MED20: variants seen among roughly 807,000 people sequenced by gnomAD.
MED20 encodes mediator complex subunit 20.
In MED20, 19 loss-of-function variants were observed where a neutral mutation model predicts 19.7. The observed-to-expected ratio is 0.96, with a 90% confidence interval of 0.67 to 1.42. The LOEUF (loss-of-function observed/expected upper bound fraction) is 1.42. Ranked by LOEUF, MED20 falls within the 40% of genes most tolerant of loss-of-function variation. The pLI is 0.00. For synonymous variants in MED20, 105 were observed against 104.8 expected, an observed-to-expected ratio of 1.00 and a Z score of -0.01; for missense variants, 225 against 273.0, an observed-to-expected ratio of 0.82 and a Z score of 1.24.
rs745370482 is a variant in MED20 at position 41,916,903 on chromosome 6, AAC to A, written c.49_50del (p.Val17SerfsTer27). ...SQMPVAEGKSVQQTVELLTRK... is the reference protein window; with the variant it reads ...SQMPVAEGKSXQQTVELLTRK... ...GGGTAAGGAGCTCTACGGTTTGCTG[AAC>A]ACTCTTGCCCTCGGCCACAGGCATC... On this transcript the variant is annotated frameshift_variant, in exon 2 of 4. Coordinates refer to ENST00000265350, the MANE Select transcript of MED20 (RefSeq NM_004275.5). LOFTEE classifies it high-confidence loss of function. The A allele has an allele frequency of 2.5e-6, 4 of 1,614,014 alleles. No homozygotes were observed. The highest frequency in any genetic ancestry group is 1.7e-5 in the Admixed American group (1 of 60,006).
In MED20 at chr6:41,907,234, C is replaced by T. The variant is rs1775078413; in HGVS notation, c.477G>A (p.Glu159=). Residue 159 remains glutamate (E), a synonymous_variant, in exon 4 of 4, where the codon GAG becomes GAA. Coordinates refer to ENST00000265350, the MANE Select transcript of MED20 (RefSeq NM_004275.5). Reference sequence around the variant, plus strand: ...GGCTGCCTAGAAAACTCTGTAGGAACTCGAGCAGCAGACTCCAGCAGTCAC... The same window carrying T: ...GGCTGCCTAGAAAACTCTGTAGGAATTCGAGCAGCAGACTCCAGCAGTCAC... ...VASDCWSLLL[E]FLQSFLGSHT... is the part of the protein sequence containing the mutation. 5.6e-6 allele frequency: 9 copies of T among 1,613,878 alleles called. No homozygotes were observed. Among genetic ancestry groups the T allele is most frequent in the Non-Finnish European group, 7.6e-6 (9 of 1,180,016 alleles).
Position 41,921,114 on chromosome 6 carries a change from T to C in MED20, c.-96A>G, listed in dbSNP as rs866472655. 1.4e-5 allele frequency: 21 copies of C among 1,523,844 alleles called. No individual in the cohort carries two copies. In the East Asian group the frequency reaches 4.5e-4, roughly 33 times the overall value. The allele number at this position is 1,523,844 out of a possible 1,614,324, so 94.4% of individuals were successfully genotyped here. A position where few individuals can be genotyped will look rare whatever the true frequency, so the allele number is the denominator to read the frequency against. ...CCTTCAGTTCCCCAACACAACCTTC[T>C]GTCTCAGAAGGGACTCCGGAAATAC... On this transcript the variant is annotated 5_prime_UTR_variant, in exon 1 of 4. Coordinates refer to ENST00000265350, the MANE Select transcript of MED20 (RefSeq NM_004275.5).
intron 3 of MED20, among the ~76,000 whole-genome samples, chr6:41,908,150 C>G (rs1241074711): frequency 6.6e-6 from 1 of 152,198 alleles, no homozygotes. Context: ...GCATCACAAC[C>G]AAAGTCAGCA....
intron 2 of MED20, 22 bp downstream of exon 2, chr6:41,916,763 C>A (rs762795138): frequency 8.1e-6 from 13 of 1,612,086 alleles, no homozygotes; most frequent in Non-Finnish European, 1.1e-5. Context: ...TTCCAGCCAT[C>A]CTACAGACCC....
intron 2 of MED20, chr6:41,913,058 T>A (rs1205387826): frequency 6.7e-6 from 1 of 149,400 alleles, no homozygotes; most frequent in Non-Finnish European, 1.5e-5. Context: ...AATAGTGAGC[T>A]ATGATCATGC....
At chr6:41,919,403 T>C (rs371949089) in intron 1 of MED20, among the ~76,000 whole-genome samples, 1 of 152,240 alleles carries the variant, frequency 6.6e-6, no homozygotes, top group South Asian at 2.1e-4. Context: ...ATAGATGACA[T>C]TGCTTTATGA....
chr6:41,913,458 C>T (rs1283072394), intron 2 of MED20, among the ~76,000 whole-genome samples: 2 of 152,196 alleles, frequency 1.3e-5, no homozygotes, highest in Non-Finnish European at 2.9e-5. Context: ...ATATCTATAT[C>T]CAAATGTTTT....
At position 41,909,501 on chromosome 6, in the gene MED20, T is replaced by C. The variant is rs1036186700; in HGVS notation, c.191A>G (p.Tyr64Cys). The C allele has an allele frequency of 1.2e-6, 2 of 1,614,210 alleles. No homozygotes were observed. The highest frequency in any genetic ancestry group is 1.1e-5 in the South Asian group (1 of 91,088). Reference sequence around the variant, plus strand: ...TGGGTACTCTGAGTTGTGCATCACATACATCAGCTTCCCGGTCTGACCTGC... The same window carrying C: ...TGGGTACTCTGAGTTGTGCATCACACACATCAGCTTCCCGGTCTGACCTGC... ...GSQGQTGKLMYVMHNSEYPLS... is the reference protein window; with the variant it reads ...GSQGQTGKLMCVMHNSEYPLS... Residue 64 changes from tyrosine (Y) to cysteine (C), a missense_variant, in exon 3 of 4, where the codon TAT (tyrosine) becomes TGT (cysteine). Coordinates refer to ENST00000265350, the MANE Select transcript of MED20 (RefSeq NM_004275.5).
intron 2 of MED20, among the ~76,000 whole-genome samples, chr6:41,915,022 A>AT (rs1284040924): frequency 6.6e-6 from 1 of 152,230 alleles, no homozygotes; most frequent in African/African-American, 2.4e-5. Flanking sequence ...GTCAATCAGT[A>AT]AACAGGGCCA....
intron 2 of MED20, 56 bp downstream of exon 2, chr6:41,916,729 A>T (rs1023612369): frequency 1.3e-6 from 2 of 1,591,984 alleles, no homozygotes; most frequent in Non-Finnish European, 1.7e-6. Context: ...AATTAACTCA[A>T]ATGTCTCTTA....
Position 41,916,947 on chromosome 6 carries a change from G to C in MED20, c.15-8C>G. On this transcript the variant is annotated splice_region_variant and splice_polypyrimidine_tract_variant and intron_variant, in intron 1 of 3. Coordinates refer to ENST00000265350, the MANE Select transcript of MED20 (RefSeq NM_004275.5). ...ACAGGCATCTGGGACACACTGGAAA[G>C]GAGAGCACCAAATCGTCAGTTATCC... is the stretch of plus-strand genomic sequence containing the variant. 6.2e-7 allele frequency: 1 copy of C among 1,613,778 alleles called. No individual in the cohort carries two copies. The highest frequency in any genetic ancestry group is 1.1e-5 in the South Asian group (1 of 91,068).
chr6:41,909,341 G>GTACC lies in MED20; in HGVS notation c.347_350dup (p.Tyr117Ter). On this transcript the variant is annotated stop_gained and frameshift_variant, in exon 3 of 4. Coordinates refer to ENST00000265350, the MANE Select transcript of MED20 (RefSeq NM_004275.5). LOFTEE classifies it high-confidence loss of function. ...CCTTCACCAGGAAGTCACAGTACTG[G>GTACC]TACCTGGTGCCCCGGGTCTCAATCT... The GTACC allele has an allele frequency of 6.2e-7, 1 of 1,614,114 alleles. No homozygotes were observed. The highest frequency in any genetic ancestry group is 1.1e-5 in the South Asian group (1 of 91,074).
At chr6:41,920,712 A>T in intron 1 of MED20, 1 of 322,688 alleles carries the variant, frequency 3.1e-6, no homozygotes, top group Non-Finnish European at 5.7e-6. Flanking sequence ...GGAGTGTTGC[A>T]GTGAGCCAAG....
intron 2 of MED20, among the ~76,000 whole-genome samples, chr6:41,915,588 C>G (rs1348019921): frequency 6.6e-6 from 1 of 152,118 alleles, no homozygotes; most frequent in Non-Finnish European, 1.5e-5. Context: ...GAGATCAAGA[C>G]CATCCTGGCT....
chr6:41,909,148 TG>T, intron 3 of MED20, 120 bp downstream of exon 3: 2 of 1,361,364 alleles, frequency 1.5e-6, no homozygotes, highest in Non-Finnish European at 2.0e-6. Flanking sequence ...CATTCCAGCC[TG>T]GGTGACAGAA....
chr6:41,909,633 C>T (rs1775143049), intron 2 of MED20, 111 bp from the exon 3 acceptor site: 6 of 1,483,334 alleles, frequency 4.0e-6, no homozygotes, highest in Non-Finnish European at 5.5e-6. Flanking sequence ...GGCACTACCT[C>T]AGCAGTTCTT....
intron 1 of MED20, among the ~76,000 whole-genome samples, chr6:41,917,203 A>C (rs1430382096): frequency 2.0e-5 from 3 of 152,028 alleles, no homozygotes; most frequent in Admixed American, 6.6e-5. Flanking sequence ...AGTTCAAGAC[A>C]AGCCTGGCCA....
At chr6:41,920,715 G>T in intron 1 of MED20, 1 of 332,460 alleles carries the variant, frequency 3.0e-6, no homozygotes, top group Non-Finnish European at 5.5e-6. Flanking sequence ...GTGTTGCAGT[G>T]AGCCAAGATC....
intron 3 of MED20, 163 bp downstream of exon 3, chr6:41,909,106 C>G: frequency 1.1e-6 from 1 of 885,144 alleles, no homozygotes; most frequent in Non-Finnish European, 1.7e-6. Flanking sequence ...CCCTGGAGGT[C>G]GAGGCTACAG....
Sources: allele counts gnomAD v4.1 joint callset (sites outside exome capture counted in the v4.1 genomes callset), GRCh38; gene constraint gnomAD v4.1.1; transcripts MANE v1.5; gene names NCBI Gene and HGNC (gene_info 2026-07-23, HGNC 2026-07-21).